Variants in LRRTM3 observed in about 807,000 individuals in gnomAD.
LRRTM3 encodes the protein leucine-rich repeat transmembrane neuronal protein 3.
A neutral mutation model predicts 44.7 loss-of-function variants in LRRTM3; 24 were observed. The observed-to-expected ratio is 0.54, with a 90% confidence interval of 0.39 to 0.76. LRRTM3 has a LOEUF of 0.76. Among genes scored for constraint, LRRTM3 ranks in the 30% least tolerant of loss-of-function variants. The pLI is 0.00. For synonymous variants in LRRTM3, 277 were observed against 278.7 expected, an observed-to-expected ratio of 0.99 and a Z score of 0.06; for missense variants, 587 against 702.2, an observed-to-expected ratio of 0.84 and a Z score of 1.85.
At position 66,942,903 on chromosome 10, in the gene LRRTM3, T is replaced by G. The variant is rs150947722; in HGVS notation, c.1536+14451T>G. On this transcript the variant is annotated intron_variant, in intron 2 of 2. Coordinates refer to ENST00000361320, the MANE Select transcript of LRRTM3 (RefSeq NM_178011.5). ...ATGGCTAAATTAAGCAAAAGCAAAT[T>G]AATCAAAGAGTTACAAAGGAAGAAT... Among the ~76,000 whole-genome samples, 843 of 152,282 alleles carry G rather than the reference T, an allele frequency of 5.5e-3. 8 individuals are homozygous for G. The highest frequency in any genetic ancestry group is 0.019 in the African/African-American group (798 of 41,560).
intron 2 of LRRTM3, among the ~76,000 whole-genome samples, chr10:66,984,446 TGAGA>T (rs769435752): frequency 6.6e-6 from 1 of 152,156 alleles, no homozygotes; most frequent in African/African-American, 2.4e-5. Context: ...AATGTAAATA[TGAGA>T]GAAAGAGTAA....
intron 2 of LRRTM3, among the ~76,000 whole-genome samples, chr10:66,953,676 A>G (rs573616243): frequency 6.5e-4 from 99 of 152,292 alleles, no homozygotes; most frequent in African/African-American, 2.3e-3. Context: ...CTACATAATA[A>G]TTTTATCTTT....
chr10:67,031,671 A>C (rs1853736980), intron 2 of LRRTM3, among the ~76,000 whole-genome samples: 1 of 152,196 alleles, frequency 6.6e-6, no homozygotes, highest in South Asian at 2.1e-4. Flanking sequence ...AAACTGTCAG[A>C]ATTAACAAAT....
chr10:67,017,881 T>C (rs1852759109), intron 2 of LRRTM3, among the ~76,000 whole-genome samples: 1 of 152,118 alleles, frequency 6.6e-6, no homozygotes, highest in African/African-American at 2.4e-5. Context: ...GCGATTCTCC[T>C]GCCTCAGCCT....
At position 66,926,304 on chromosome 10, in the gene LRRTM3, A is replaced by C; in HGVS notation, c.-280A>C. 2.4e-6 allele frequency: 1 copy of C among 418,642 alleles called. No homozygotes were observed. The highest frequency in any genetic ancestry group is 4.5e-6 in the Non-Finnish European group (1 of 222,290). The allele number at this position is 418,642 out of a possible 1,614,324, so 25.9% of individuals were successfully genotyped here. A position where few individuals can be genotyped will look rare whatever the true frequency, so the allele number is the denominator to read the frequency against. On this transcript the variant is annotated 5_prime_UTR_variant, in exon 1 of 3. Coordinates refer to ENST00000361320, the MANE Select transcript of LRRTM3 (RefSeq NM_178011.5). ...CCCTCCCCACCCCCCAAAAAACTGT[A>C]AAGATGCAAAAACGTAATATCCATG...
At chr10:67,062,811 G>T (rs1395759249) in intron 2 of LRRTM3, among the ~76,000 whole-genome samples, 1 of 152,140 alleles carries the variant, frequency 6.6e-6, no homozygotes, top group Non-Finnish European at 1.5e-5. Context: ...AGATGAGAAA[G>T]AAAAATTAAT....
chr10:67,001,790 G>A (rs889834133), intron 2 of LRRTM3, among the ~76,000 whole-genome samples: 1 of 152,048 alleles, frequency 6.6e-6, no homozygotes, highest in Non-Finnish European at 1.5e-5. Flanking sequence ...AATAAAAAAG[G>A]GTGCTATAGG....
chr10:67,040,512 G>C (rs148877759), intron 2 of LRRTM3, among the ~76,000 whole-genome samples: 2 of 152,068 alleles, frequency 1.3e-5, no homozygotes, highest in East Asian at 3.9e-4. Context: ...CTACCCCATG[G>C]TGACATTTAC....
chr10:67,085,679 T>C (rs1328204848), intron 2 of LRRTM3, among the ~76,000 whole-genome samples: 2 of 152,012 alleles, frequency 1.3e-5, no homozygotes, highest in Non-Finnish European at 2.9e-5. Flanking sequence ...GCTCATCCCT[T>C]ATTATGATAT....
chr10:67,069,055 A>T (rs542379174), intron 2 of LRRTM3, among the ~76,000 whole-genome samples: 44 of 131,902 alleles, frequency 3.3e-4, no homozygotes, highest in East Asian at 8.0e-4. Flanking sequence ...CAGGAAAAAA[A>T]ATATATATAT....
chr10:66,958,161 T>C (rs558883996), intron 2 of LRRTM3, among the ~76,000 whole-genome samples: 5 of 152,242 alleles, frequency 3.3e-5, no homozygotes, highest in Admixed American at 1.3e-4. Flanking sequence ...ATCTCTAGTA[T>C]CATTTGTGAA....
intron 2 of LRRTM3, among the ~76,000 whole-genome samples, chr10:66,983,804 G>A (rs531479972): frequency 6.6e-5 from 10 of 152,248 alleles, no homozygotes; most frequent in Non-Finnish European, 1.3e-4. Flanking sequence ...CTGTTAAAAT[G>A]TACTACCTGT....
chr10:67,029,894 C>T (rs112920203), intron 2 of LRRTM3, among the ~76,000 whole-genome samples: 2,115 of 152,304 alleles, frequency 0.014, 58 homozygotes, highest in African/African-American at 0.048. Flanking sequence ...GGACACTGCA[C>T]TGGACAATCC....
chr10:67,001,183 C>T (rs1851664040), intron 2 of LRRTM3, among the ~76,000 whole-genome samples: 1 of 151,078 alleles, frequency 6.6e-6, no homozygotes, highest in Non-Finnish European at 1.5e-5. Context: ...TGCCTGTAAT[C>T]CCAGCTACTC....
At chr10:66,982,157 G>T (rs937379672) in intron 2 of LRRTM3, among the ~76,000 whole-genome samples, 1 of 152,180 alleles carries the variant, frequency 6.6e-6, no homozygotes, top group Non-Finnish European at 1.5e-5. Context: ...TTGCATTCTG[G>T]CAGTTTGAAC....
chr10:67,020,031 C>T (rs548891391), intron 2 of LRRTM3, among the ~76,000 whole-genome samples: 1 of 151,954 alleles, frequency 6.6e-6, no homozygotes, highest in Non-Finnish European at 1.5e-5. Flanking sequence ...CTTTCCCTCA[C>T]TGTGTCAAGA....
chr10:67,064,575 T>A (rs2133231105), intron 2 of LRRTM3, among the ~76,000 whole-genome samples: 1 of 152,314 alleles, frequency 6.6e-6, no homozygotes, highest in South Asian at 2.1e-4. Context: ...TTTTGACTCT[T>A]CCCCTTAGTC....
At chr10:67,007,068 T>C (rs1314964693) in intron 2 of LRRTM3, among the ~76,000 whole-genome samples, 1 of 152,208 alleles carries the variant, frequency 6.6e-6, no homozygotes, top group Non-Finnish European at 1.5e-5. Context: ...AGTGCTGGGA[T>C]TACAGGCGTG....
At chr10:66,941,762 G>A (rs185141695) in intron 2 of LRRTM3, among the ~76,000 whole-genome samples, 38 of 152,254 alleles carry the variant, frequency 2.5e-4, no homozygotes, top group Admixed American at 2.0e-3. Context: ...CTGAAAGAGG[G>A]AGCACACAAA....
Sources: gnomAD v4.1 joint callset for allele counts (sites outside exome capture counted in the v4.1 genomes callset) on GRCh38, gnomAD v4.1.1 for gene constraint, MANE v1.5 for transcripts, NCBI Gene and HGNC (gene_info 2026-07-23, HGNC 2026-07-21) for gene names.